Variants in THAP5 observed in about 807,000 individuals in gnomAD.
THAP5 encodes the protein THAP domain containing 5.
In THAP5, 26 loss-of-function variants were observed where a neutral mutation model predicts 34.0. That is an observed-to-expected ratio of 0.77 (90% confidence interval 0.56 to 1.06). The LOEUF is 1.06. Ranked by LOEUF, THAP5 falls within the 50% of genes least tolerant of loss-of-function variation. The pLI is 0.00. For synonymous variants in THAP5, 125 were observed against 153.0 expected, an observed-to-expected ratio of 0.82 and a Z score of 1.35; for missense variants, 394 against 452.8, an observed-to-expected ratio of 0.87 and a Z score of 1.18.
At chr7:108,565,736 A>G (rs545534649) in intron 2 of THAP5, 94 bp downstream of exon 2, 1 of 980,600 alleles carries the variant, frequency 1.0e-6, no homozygotes, top group East Asian at 2.9e-5. Context: ...CTGTTTACCC[A>G]AGTTATAGTT....
At chr7:108,551,536 T>A (rs1864353661), downstream of THAP5, among the ~76,000 whole-genome samples, 1 of 152,244 alleles carries the variant, frequency 6.6e-6, no homozygotes, top group Non-Finnish European at 1.5e-5. Flanking sequence ...TTACCCAGCG[T>A]CAGGCATTCT....
At chr7:108,559,771 C>T (rs1016962453), downstream of THAP5, among the ~76,000 whole-genome samples, 7 of 151,232 alleles carry the variant, frequency 4.6e-5, no homozygotes, top group African/African-American at 9.7e-5. Context: ...AGAGAGTGAG[C>T]GAGAGTAGGT....
At position 108,566,272 on chromosome 7, in the gene THAP5, A is replaced by G. The variant is rs568779239; in HGVS notation, c.81-250T>C. ...CTGATAAGAGCTGAACATAATTCAG[A>G]GTCCCTTCAAGTAAAATATATGTGT... On this transcript the variant is annotated intron_variant, in intron 1 of 2. Coordinates refer to ENST00000415914, the MANE Select transcript of THAP5 (RefSeq NM_001130475.3). Among the ~76,000 whole-genome samples, 3 of 152,340 alleles carry G rather than the reference A, an allele frequency of 2.0e-5. No individual in the cohort carries two copies. In the South Asian group the frequency reaches 6.2e-4, roughly 32 times the overall value.
rs1790427012 is a variant in THAP5, at chr7:108,564,273, A to G, written c.1106T>C (p.Leu369Pro). ...TTCAGATAGCCAGTTTTCCTGCTTT[A>G]GCTGCCTTATAAGAGCTTCCAAAGA... Reference protein sequence around the residue: ...LKSLEALIRQLKQENWLSEEN... With the variant: ...LKSLEALIRQPKQENWLSEEN... Residue 369 changes from leucine to proline, a missense_variant, in exon 3 of 3, where the codon CTA becomes CCA. Leu to Pro is a moderately conservative substitution (Grantham distance 98, BLOSUM62 -3). Transcript: ENST00000415914. The G allele has an allele frequency of 1.2e-6, 2 of 1,613,302 alleles. No homozygotes were observed. Among genetic ancestry groups the G allele is most frequent in the Non-Finnish European group, 8.5e-7 (1 of 1,179,718 alleles).
intron 1 of THAP5, chr7:108,569,123 T>G (rs552815998): frequency 3.1e-4 from 333 of 1,072,616 alleles, no homozygotes; most frequent in African/African-American, 2.2e-3. Context: ...AAATTAACTT[T>G]GCGTGCACCT....
Position 108,562,490 on chromosome 7 carries a change from A to T in THAP5, c.*1701T>A, listed in dbSNP as rs1024645668. On this transcript the variant is annotated 3_prime_UTR_variant, in exon 3 of 3. Transcript: ENST00000415914. The stretch of plus-strand genomic sequence containing the variant: ...ACTAAGTCAAATATGGCCAAAAATA[A>T]TCATCATGCATTTACAAAACAATAT... 5.9e-5 allele frequency: 9 copies of T among 152,228 alleles called. No homozygotes were observed. The highest frequency in any genetic ancestry group is 2.2e-4 in the African/African-American group (9 of 41,466). 9.4% of individuals were successfully genotyped at this position (152,228 alleles called of 1,614,324 possible).
rs1429846857 is a variant in THAP5, at chr7:108,566,339, T to C, written c.81-317A>G. ...ATCTATTTGTATTTTCTATGGATTA[T>C]GTTCCATTTTTATATTGCTGTACAG... On this transcript the variant is annotated intron_variant, in intron 1 of 2. Coordinates refer to ENST00000415914, the MANE Select transcript of THAP5 (RefSeq NM_001130475.3). Among the ~76,000 whole-genome samples, 5 of 152,240 alleles carry C rather than the reference T, an allele frequency of 3.3e-5. No individual in the cohort carries two copies. In the East Asian group the frequency reaches 9.6e-4, roughly 29 times the overall value.
chr7:108,564,484 C>T lies in THAP5; in HGVS notation c.895G>A (p.Glu299Lys). ...ISAQKETTEM[E>K]DTDIEDSLYK... ...AAGGAGTCTTCAATGTCTGTGTCTT[C>T]CATTTCCGTGGTTTCTTTTTGTGCA... Residue 299 changes from glutamate to lysine, a missense_variant, in exon 3 of 3, where the codon GAA becomes AAA. Transcript: ENST00000415914. The T allele has an allele frequency of 6.2e-7, 1 of 1,613,944 alleles. No individual in the cohort carries two copies. Among genetic ancestry groups the T allele is most frequent in the African/African-American group, 1.3e-5 (1 of 75,040 alleles).
At chr7:108,546,129 T>C in the THAP5 span, among the ~76,000 whole-genome samples, 3 of 152,188 alleles carry the variant, frequency 2.0e-5, no homozygotes, top group South Asian at 6.2e-4. Flanking sequence ...ATTTATTAAA[T>C]AGTAAATAGA....
chr7:108,557,652 G>A (rs1864396391), downstream of THAP5, among the ~76,000 whole-genome samples: 1 of 152,132 alleles, frequency 6.6e-6, no homozygotes, highest in African/African-American at 2.4e-5. Context: ...ATCACTATCA[G>A]CATTTTGATC....
the THAP5 span, among the ~76,000 whole-genome samples, chr7:108,546,983 T>C: frequency 6.6e-6 from 1 of 152,160 alleles, no homozygotes; most frequent in African/African-American, 2.4e-5. Context: ...ATTTCCCAAA[T>C]TAAGGAAACT....
Position 108,569,597 on chromosome 7 carries a change from G to C in THAP5, c.-28C>G. ...CTCGGGTGAGGCCCCTGGAGACCGG[G>C]GCCGGCGACGGATGCAGGGCGGCCC... On this transcript the variant is annotated 5_prime_UTR_variant, in exon 1 of 3. Coordinates refer to ENST00000415914, the MANE Select transcript of THAP5 (RefSeq NM_001130475.3). 1 of 1,549,934 alleles carries C rather than the reference G, an allele frequency of 6.5e-7. No individual in the cohort carries two copies. The highest frequency in any genetic ancestry group is 8.7e-7 in the Non-Finnish European group (1 of 1,147,000).
rs1488681325 is a variant in THAP5, at chr7:108,562,746, G to C, written c.*1445C>G. Reference sequence around the variant, plus strand: ...AAGAAAACATCTATTTGTTACATTTGTGTCATTACTACAAAATCTTTGCTT... The same window carrying C: ...AAGAAAACATCTATTTGTTACATTTCTGTCATTACTACAAAATCTTTGCTT... On this transcript the variant is annotated 3_prime_UTR_variant, in exon 3 of 3. Transcript: ENST00000415914. The C allele has an allele frequency of 2.0e-5, 3 of 152,138 alleles. No homozygotes were observed. Among genetic ancestry groups the C allele is most frequent in the Non-Finnish European group, 4.4e-5 (3 of 68,022 alleles). 9.4% of individuals were successfully genotyped at this position (152,138 alleles called of 1,614,324 possible).
At chr7:108,567,771 A>C (rs972231110) in intron 1 of THAP5, among the ~76,000 whole-genome samples, 1 of 152,248 alleles carries the variant, frequency 6.6e-6, no homozygotes, top group Non-Finnish European at 1.5e-5. Context: ...ACTGGAGAAT[A>C]AAACTAATTC....
downstream of THAP5, among the ~76,000 whole-genome samples, chr7:108,558,407 A>ATATATATATATATATATATATAT (rs1864402832): frequency 8.4e-6 from 1 of 119,224 alleles, no homozygotes; most frequent in African/African-American, 3.2e-5. Context: ...ATATATATAT[A>ATATATATATATATATATATATAT]TATATATTTA....
chr7:108,552,013 T>A (rs1864356478), downstream of THAP5, among the ~76,000 whole-genome samples: 1 of 152,130 alleles, frequency 6.6e-6, no homozygotes, highest in South Asian at 2.1e-4. Flanking sequence ...ATACACTTGG[T>A]TGCTAGAGAT....
At chr7:108,565,445 G>A (rs1469371148) in intron 2 of THAP5, 3 of 184,964 alleles carry the variant, frequency 1.6e-5, no homozygotes, top group Non-Finnish European at 2.2e-5. Flanking sequence ...GCAGGCGCCT[G>A]TAATCCCAGC....
downstream of THAP5, among the ~76,000 whole-genome samples, chr7:108,557,336 C>T (rs1353413867): frequency 6.6e-6 from 1 of 152,226 alleles, no homozygotes; most frequent in African/African-American, 2.4e-5. Context: ...TGCAAATTTT[C>T]CCAAGGTTTA....
At chr7:108,554,060 C>T (rs1180106262), downstream of THAP5, among the ~76,000 whole-genome samples, 2 of 152,036 alleles carry the variant, frequency 1.3e-5, no homozygotes, top group African/African-American at 2.4e-5. Flanking sequence ...TGAGTTTGGC[C>T]CCCTAACTTT....
Sources: gnomAD v4.1 joint callset for allele counts (sites outside exome capture counted in the v4.1 genomes callset) on GRCh38, gnomAD v4.1.1 for gene constraint, MANE v1.5 for transcripts, NCBI Gene and HGNC (gene_info 2026-07-23, HGNC 2026-07-21) for gene names.